The following KDM4C variants were observed in gnomAD, a reference collection of about 807,000 sequenced individuals.
KDM4C encodes lysine-specific demethylase 4C.
KDM4C carries 81 observed loss-of-function variants against 129.3 expected under a neutral mutation model. The observed-to-expected ratio is 0.63, with a 90% CI of 0.52 to 0.75. The LOEUF is 0.75. Ranked by LOEUF, KDM4C falls within the 30% of genes least tolerant of loss-of-function variation. The pLI is 0.00. For synonymous variants in KDM4C, 573 were observed against 456.1 expected, an observed-to-expected ratio of 1.26 and a Z score of -3.26; for missense variants, 1,457 against 1,304.0, an observed-to-expected ratio of 1.12 and a Z score of -1.81.
At chr9:6,908,294 C>G (rs915504252) in intron 8 of KDM4C, among the ~76,000 whole-genome samples, 1 of 152,116 alleles carries the variant, frequency 6.6e-6, no homozygotes, top group Non-Finnish European at 1.5e-5. Flanking sequence ...AATTTTCTTC[C>G]AAATCTATTG....
intron 17 of KDM4C, among the ~76,000 whole-genome samples, chr9:7,067,193 C>T (rs935102807): frequency 1.3e-5 from 2 of 152,180 alleles, no homozygotes; most frequent in African/African-American, 4.8e-5. Flanking sequence ...TTAGTGATAG[C>T]CTTTGAACTA....
intron 1 of KDM4C, among the ~76,000 whole-genome samples, chr9:6,761,100 C>G (rs1819403219): frequency 6.7e-6 from 1 of 150,198 alleles, no homozygotes; most frequent in South Asian, 2.1e-4. Context: ...ACCTCTATCT[C>G]CCAGGTTCAG....
chr9:7,128,020 C>G, intron 18 of KDM4C, 46 bp from the exon 19 acceptor site: 2 of 1,315,752 alleles, frequency 1.5e-6, no homozygotes, highest in Non-Finnish European at 2.0e-6. Context: ...CTTTCTTTTC[C>G]TGTTCTCTTA....
At chr9:6,749,425 T>C (rs1400843545) in intron 1 of KDM4C, among the ~76,000 whole-genome samples, 3 of 152,138 alleles carry the variant, frequency 2.0e-5, no homozygotes, top group South Asian at 2.1e-4. Flanking sequence ...TTTCTCATGA[T>C]GGGGCTGGAT....
chr9:6,942,397 CTT>C (rs1435294205), intron 8 of KDM4C: 1 of 148,148 alleles, frequency 6.8e-6, no homozygotes, highest in African/African-American at 2.5e-5. Context: ...ATGGCTGCCT[CTT>C]TGTCTTTTTT....
intron 15 of KDM4C, among the ~76,000 whole-genome samples, chr9:7,020,039 C>T (rs930903282): frequency 1.3e-4 from 19 of 151,988 alleles, no homozygotes; most frequent in African/African-American, 4.1e-4. Context: ...TTATCTGTGA[C>T]TTTCTGTGTC....
chr9:6,830,026 G>C (rs1457963461), intron 4 of KDM4C, among the ~76,000 whole-genome samples: 1 of 152,062 alleles, frequency 6.6e-6, no homozygotes. Flanking sequence ...CCTAGAATCT[G>C]TTTTACAGAT....
intron 8 of KDM4C, among the ~76,000 whole-genome samples, chr9:6,911,125 GATT>G (rs1223975049): frequency 6.6e-6 from 1 of 151,896 alleles, no homozygotes; most frequent in Admixed American, 6.6e-5. Flanking sequence ...AAAAATAACA[GATT>G]ATTTTTTTAA....
intron 1 of KDM4C, among the ~76,000 whole-genome samples, chr9:6,786,729 A>G (rs918962945): frequency 2.6e-5 from 4 of 152,214 alleles, no homozygotes; most frequent in Non-Finnish European, 5.9e-5. Flanking sequence ...AGTAATGATA[A>G]ATATAGATTA....
intron 12 of KDM4C, among the ~76,000 whole-genome samples, chr9:6,994,180 G>C (rs1819273057): frequency 6.6e-6 from 1 of 152,068 alleles, no homozygotes; most frequent in Non-Finnish European, 1.5e-5. Context: ...TGCCACTGCT[G>C]ATCTGACAGG....
At chr9:6,865,943 C>T (rs1435320766) in intron 5 of KDM4C, among the ~76,000 whole-genome samples, 1 of 151,998 alleles carries the variant, frequency 6.6e-6, no homozygotes, top group Non-Finnish European at 1.5e-5. Flanking sequence ...TTAGTAGAGA[C>T]AGGGTTTCCC....
intron 18 of KDM4C, among the ~76,000 whole-genome samples, chr9:7,111,818 C>G (rs941832115): frequency 6.6e-6 from 1 of 152,048 alleles, no homozygotes; most frequent in Non-Finnish European, 1.5e-5. Context: ...TTATATATCC[C>G]TGAATTAAAA....
chr9:6,997,750 A>G (rs1820029779), intron 12 of KDM4C, among the ~76,000 whole-genome samples: 1 of 152,206 alleles, frequency 6.6e-6, no homozygotes, highest in Non-Finnish European at 1.5e-5. Context: ...ATGAATGATA[A>G]GTGTTCCTAA....
chr9:6,816,483 G>C (rs995937800), intron 4 of KDM4C, among the ~76,000 whole-genome samples: 1 of 152,180 alleles, frequency 6.6e-6, no homozygotes, highest in African/African-American at 2.4e-5. Context: ...GTACAGCTCA[G>C]TGTGGCCTGT....
rs1271805958 is a variant in KDM4C, at chr9:6,986,457, T to C, written c.1468T>C (p.Leu490=). 4 of 1,614,124 alleles carry C rather than the reference T, an allele frequency of 2.5e-6. No homozygotes were observed. Among genetic ancestry groups the C allele is most frequent in the Non-Finnish European group, 3.4e-6 (4 of 1,179,994 alleles). The change falls in exon 11 of 22, where the codon TTG becomes CTG. Residue 490 remains leucine, a synonymous_variant. Transcript: ENST00000381309. The part of the protein sequence containing the change: ...ISSEADDSIP[L]SSGYEKPEKS... ...CAGTGAGGCTGATGATTCCATTCCA[T>C]TGTCTAGTGGCTATGAGAAGCCCGA...
At position 7,092,867 on chromosome 9, in the gene KDM4C, A is replaced by G. The variant is rs554372476; in HGVS notation, c.2425-10818A>G. 2.0e-5 allele frequency among the ~76,000 whole-genome samples: 3 copies of G among 152,288 alleles called. No individual in the cohort carries two copies. In the South Asian group the frequency reaches 6.2e-4, roughly 32 times the overall value. On this transcript the variant is annotated intron_variant, in intron 17 of 21. Coordinates refer to ENST00000381309, the MANE Select transcript of KDM4C (RefSeq NM_015061.6). ...TGACTGTTCTGTTTGAAGAGATCTC[A>G]CAGAAATGGAATTTTTAAATATTGA...
intron 3 of KDM4C, among the ~76,000 whole-genome samples, chr9:6,808,246 T>C (rs1454991448): frequency 1.4e-5 from 1 of 71,706 alleles, no homozygotes; most frequent in Non-Finnish European, 2.6e-5. Context: ...CTTTGTGGAA[T>C]AGAAAGGCGG....
At chr9:7,071,118 A>G (rs1253724393) in intron 17 of KDM4C, among the ~76,000 whole-genome samples, 4 of 152,218 alleles carry the variant, frequency 2.6e-5, no homozygotes, top group Non-Finnish European at 5.9e-5. Flanking sequence ...ATATATGCAA[A>G]ATCTGTATGT....
intron 8 of KDM4C, among the ~76,000 whole-genome samples, chr9:6,896,732 T>C (rs1305313913): frequency 5.9e-5 from 9 of 152,206 alleles, no homozygotes; most frequent in Non-Finnish European, 1.3e-4. Context: ...ACTAGGCTTA[T>C]CTGCTGTGTG....
Sources: allele counts gnomAD v4.1 joint callset (sites outside exome capture counted in the v4.1 genomes callset), GRCh38; gene constraint gnomAD v4.1.1; transcripts MANE v1.5; gene names NCBI Gene and HGNC (gene_info 2026-07-23, HGNC 2026-07-21).